The following NCKAP5 variants were observed in gnomAD, a reference collection of about 807,000 sequenced individuals.
NCKAP5 encodes the protein nck-associated protein 5.
NCKAP5 carries 92 observed loss-of-function variants against 167.0 expected under a neutral mutation model. That is an observed-to-expected ratio of 0.55 (90% confidence interval 0.47 to 0.66). The LOEUF (loss-of-function observed/expected upper bound fraction) is 0.66, where lower values mean the gene tolerates loss of function less well. NCKAP5 is among the 30% of genes least tolerant of loss of function. The pLI is 0.00. For synonymous variants in NCKAP5, 891 were observed against 877.4 expected (o/e 1.02, Z -0.27); for missense variants, 2,378 against 2,315.0 (o/e 1.03, Z -0.56).
intron 8 of NCKAP5, among the ~76,000 whole-genome samples, chr2:132,899,870 A>G (rs1260144772): frequency 6.6e-6 from 1 of 152,190 alleles, no homozygotes; most frequent in African/African-American, 2.4e-5. Context: ...GTGAGACTCC[A>G]TCTCAAACAA....
chr2:132,982,415 A>T (rs2077167603), intron 7 of NCKAP5, among the ~76,000 whole-genome samples: 2 of 152,178 alleles, frequency 1.3e-5, no homozygotes, highest in Non-Finnish European at 2.9e-5. Context: ...TCTCATTTAA[A>T]TTCCTCTTCA....
chr2:132,865,843 CG>C, intron 10 of NCKAP5, among the ~76,000 whole-genome samples: 1 of 152,136 alleles, frequency 6.6e-6, no homozygotes, highest in Non-Finnish European at 1.5e-5. Context: ...TCCTACCTCA[CG>C]GGGCTGCCTT....
intron 3 of NCKAP5, among the ~76,000 whole-genome samples, chr2:133,415,892 T>G (rs182733951): frequency 6.6e-6 from 1 of 152,020 alleles, no homozygotes; most frequent in African/African-American, 2.4e-5. Context: ...TCAAATGCGG[T>G]TTTGATTCCC....
At chr2:133,159,064 G>A (rs1193815944) in intron 5 of NCKAP5, among the ~76,000 whole-genome samples, 1 of 151,938 alleles carries the variant, frequency 6.6e-6, no homozygotes, top group Non-Finnish European at 1.5e-5. Flanking sequence ...GATTATAAGG[G>A]TGAGGCCAGT....
rs571167805 is a variant in NCKAP5 at position 133,133,412 on chromosome 2, T to C, written c.208-3301A>G. 1.4e-4 allele frequency among the ~76,000 whole-genome samples: 22 copies of C among 152,324 alleles called. No individual in the cohort carries two copies. In the East Asian group the frequency reaches 1.9e-3, roughly 13 times the overall value. ...GTTCTTCGAGCAAGATGCTCCATGT[T>C]CGTCACCTCTTCCCTTTCTCTTTGG... On this transcript the variant is annotated intron_variant, in intron 5 of 19. Transcript: ENST00000409261.
chr2:132,932,882 T>G (rs1303215294), intron 8 of NCKAP5, among the ~76,000 whole-genome samples: 2 of 151,410 alleles, frequency 1.3e-5, no homozygotes, highest in East Asian at 1.9e-4. Context: ...CGTAGTTCAA[T>G]ATCAACACTT....
chr2:133,656,872 C>T, the NCKAP5 span, among the ~76,000 whole-genome samples: 511 of 151,914 alleles, frequency 3.4e-3, 2 homozygotes, highest in African/African-American at 0.012. Context: ...GCACATATCA[C>T]CCAAGCAGTA....
intron 11 of NCKAP5, among the ~76,000 whole-genome samples, chr2:132,849,772 C>T (rs952282176): frequency 1.3e-5 from 2 of 152,184 alleles, no homozygotes; most frequent in Admixed American, 6.5e-5. Context: ...TTGGTCCACC[C>T]GACATGCCTC....
At chr2:133,580,247 G>T in the NCKAP5 span, among the ~76,000 whole-genome samples, 5 of 152,122 alleles carry the variant, frequency 3.3e-5, no homozygotes, top group Admixed American at 2.0e-4. Flanking sequence ...CTGACTCTCT[G>T]CAGGAGAAAA....
At chr2:133,532,076 T>C (rs1685411599) in intron 2 of NCKAP5, among the ~76,000 whole-genome samples, 1 of 152,226 alleles carries the variant, frequency 6.6e-6, no homozygotes, top group Non-Finnish European at 1.5e-5. Context: ...TGTGTTTTAG[T>C]TTATGTACAT....
chr2:133,385,252 A>T (rs1225145787), intron 3 of NCKAP5, among the ~76,000 whole-genome samples: 1 of 152,190 alleles, frequency 6.6e-6, no homozygotes, highest in Non-Finnish European at 1.5e-5. Flanking sequence ...AGTTTTTAGC[A>T]TGAAGGGTTG....
chr2:133,102,367 T>G (rs1048595072), intron 6 of NCKAP5, among the ~76,000 whole-genome samples: 6 of 152,132 alleles, frequency 3.9e-5, no homozygotes, highest in Non-Finnish European at 5.9e-5. Flanking sequence ...CAGGATGGTC[T>G]CGATCTCCTG....
chr2:133,379,497 T>G (rs1021235319), intron 3 of NCKAP5, among the ~76,000 whole-genome samples: 2 of 152,324 alleles, frequency 1.3e-5, no homozygotes, highest in South Asian at 2.1e-4. Context: ...TTTCTTGTTT[T>G]CCTTAAAAAT....
chr2:133,586,395 C>T, the NCKAP5 span, among the ~76,000 whole-genome samples: 3 of 152,148 alleles, frequency 2.0e-5, no homozygotes, highest in Admixed American at 6.5e-5. Context: ...CTTGAACTCA[C>T]TCACCTTCAG....
At chr2:133,511,313 T>C (rs900578358) in intron 3 of NCKAP5, among the ~76,000 whole-genome samples, 1 of 152,198 alleles carries the variant, frequency 6.6e-6, no homozygotes, top group Non-Finnish European at 1.5e-5. Flanking sequence ...GGTGCCCTCC[T>C]GGCCCAGCCT....
At chr2:133,453,289 T>C (rs921056760) in intron 3 of NCKAP5, among the ~76,000 whole-genome samples, 1 of 152,138 alleles carries the variant, frequency 6.6e-6, no homozygotes, top group Non-Finnish European at 1.5e-5. Context: ...AAGATACTTA[T>C]AGAACCACTG....
intron 16 of NCKAP5, among the ~76,000 whole-genome samples, chr2:132,769,372 C>T (rs1681821304): frequency 1.3e-5 from 2 of 152,118 alleles, no homozygotes; most frequent in Admixed American, 1.3e-4. Flanking sequence ...CTGTCAAAGA[C>T]ATTAGTTAAT....
chr2:133,426,490 A>G (rs1404859994), intron 3 of NCKAP5, among the ~76,000 whole-genome samples: 1 of 152,054 alleles, frequency 6.6e-6, no homozygotes, highest in Non-Finnish European at 1.5e-5. Context: ...ATTTATTTTA[A>G]GAAGCCAGCA....
intron 4 of NCKAP5, among the ~76,000 whole-genome samples, chr2:133,232,415 A>G (rs952607408): frequency 2.0e-5 from 3 of 152,220 alleles, no homozygotes; most frequent in Admixed American, 2.0e-4. Flanking sequence ...AAGCCATTGA[A>G]AAGAAAAAGA....
Sources: allele counts gnomAD v4.1 joint callset (sites outside exome capture counted in the v4.1 genomes callset), GRCh38; gene constraint gnomAD v4.1.1; transcripts MANE v1.5; gene names NCBI Gene and HGNC (gene_info 2026-07-23, HGNC 2026-07-21).